CHN2: variants seen among roughly 807,000 people sequenced by gnomAD.
CHN2 encodes chimerin 2, also known as beta-chimaerin.
Under a neutral mutation model 56.3 loss-of-function variants are expected in CHN2, and 35 were observed. That is an observed-to-expected ratio of 0.62 (90% CI 0.47 to 0.82). The LOEUF is 0.82. CHN2 is among the 40% of genes least tolerant of loss of function. The probability of loss-of-function intolerance (pLI) is 0.00; values close to 1 mark genes in which losing one functional copy is unlikely to be tolerated. For synonymous variants in CHN2, 210 were observed against 212.8 expected, an observed-to-expected ratio of 0.99 and a Z score of 0.12; for missense variants, 491 against 580.5, an observed-to-expected ratio of 0.85 and a Z score of 1.58.
intron 1 of CHN2, among the ~76,000 whole-genome samples, chr7:29,222,296 T>G (rs976362492): frequency 6.6e-6 from 1 of 152,152 alleles, no homozygotes; most frequent in East Asian, 1.9e-4. Context: ...CCAAAGTAAT[T>G]TATAGATTCA....
In CHN2 at chr7:29,509,300, G is replaced by T. The variant is rs1562677051; in HGVS notation, c.1130-1G>T. The T allele has an allele frequency of 6.2e-7, 1 of 1,612,436 alleles. No homozygotes were observed. Among genetic ancestry groups the T allele is most frequent in the East Asian group, 2.2e-5 (1 of 44,856 alleles). ...ATACCCATCATGCGTGAACTTCACA[G>T]AAATCTCCAATGCAGATGAGAGGCT... On this transcript the variant is annotated splice_acceptor_variant, in intron 11 of 12. Coordinates refer to ENST00000222792, the MANE Select transcript of CHN2 (RefSeq NM_004067.4). LOFTEE classifies it high-confidence loss of function.
chr7:29,213,673 T>C (rs1213257373), intron 1 of CHN2, among the ~76,000 whole-genome samples: 3 of 152,238 alleles, frequency 2.0e-5, no homozygotes, highest in Non-Finnish European at 4.4e-5. Flanking sequence ...CTTCATTGAT[T>C]TCCTCACCTT....
intron 6 of CHN2, among the ~76,000 whole-genome samples, chr7:29,440,608 C>A: frequency 6.7e-6 from 1 of 149,308 alleles, no homozygotes; most frequent in Admixed American, 6.8e-5. Flanking sequence ...TCTCTTGAAC[C>A]CAGGAGGCAG....
At chr7:29,146,954 A>G (rs1460629880) in exon 2 of CHN2, 3 of 1,551,080 alleles carry the variant, frequency 1.9e-6, no homozygotes, top group Non-Finnish European at 1.7e-6. Context: ...TTCCAGCTGC[A>G]CTAGCAGTAA....
chr7:29,508,205 C>T (rs565734288), intron 11 of CHN2, among the ~76,000 whole-genome samples: 3 of 151,632 alleles, frequency 2.0e-5, no homozygotes, highest in Non-Finnish European at 2.9e-5. Context: ...TCCATCAGCC[C>T]GGGGTTGCTC....
intron 1 of CHN2, among the ~76,000 whole-genome samples, chr7:29,249,997 A>G (rs1416521542): frequency 6.6e-6 from 1 of 152,212 alleles, no homozygotes; most frequent in Middle Eastern, 3.2e-3. Context: ...AGGCTTCTGA[A>G]TATATCTGCA....
chr7:29,279,462 TG>T (rs1367750825), intron 1 of CHN2, among the ~76,000 whole-genome samples: 1 of 152,276 alleles, frequency 6.6e-6, no homozygotes, highest in Admixed American at 6.5e-5. Flanking sequence ...CAAACATTTA[TG>T]GAGACCTGAA....
At chr7:29,419,248 C>T (rs1804083487) in intron 6 of CHN2, among the ~76,000 whole-genome samples, 1 of 152,148 alleles carries the variant, frequency 6.6e-6, no homozygotes, top group African/African-American at 2.4e-5. Flanking sequence ...CAGATTAAAA[C>T]TCAGTCTAGA....
At chr7:29,329,442 G>A (rs1040355818) in intron 1 of CHN2, among the ~76,000 whole-genome samples, 3 of 140,914 alleles carry the variant, frequency 2.1e-5, no homozygotes, top group Non-Finnish European at 4.5e-5. Context: ...AATAGAACAT[G>A]GGCCAACCAG....
intron 6 of CHN2, among the ~76,000 whole-genome samples, chr7:29,469,637 G>A (rs962236579): frequency 1.3e-5 from 2 of 152,138 alleles, no homozygotes; most frequent in South Asian, 2.1e-4. Context: ...CCTCCGGCCC[G>A]TATTTGCCCA....
At chr7:29,474,852 AG>A (rs1786457812) in intron 6 of CHN2, among the ~76,000 whole-genome samples, 2 of 152,222 alleles carry the variant, frequency 1.3e-5, no homozygotes, top group Non-Finnish European at 2.9e-5. Flanking sequence ...GTACTGATAA[AG>A]CACAATGTTG....
At chr7:29,495,069 G>A (rs575971100) in intron 7 of CHN2, among the ~76,000 whole-genome samples, 3 of 150,976 alleles carry the variant, frequency 2.0e-5, no homozygotes, top group East Asian at 1.9e-4. Context: ...GTAAAAATTC[G>A]GGACATTTTT....
chr7:29,441,937 C>T (rs994036322), intron 6 of CHN2, among the ~76,000 whole-genome samples: 3 of 152,028 alleles, frequency 2.0e-5, no homozygotes, highest in African/African-American at 7.3e-5. Flanking sequence ...AGGTGTATAA[C>T]CCACATAATT....
intron 1 of CHN2, chr7:29,197,881 T>C (rs1783866891): frequency 2.2e-6 from 1 of 455,832 alleles, no homozygotes; most frequent in African/African-American, 2.0e-5. Flanking sequence ...GGAAATGTCA[T>C]ATGAGTTGGG....
chr7:29,374,913 T>A (rs1799928260), intron 3 of CHN2, among the ~76,000 whole-genome samples: 1 of 150,186 alleles, frequency 6.7e-6, no homozygotes, highest in Non-Finnish European at 1.5e-5. Context: ...TTTGACGGAG[T>A]TTCGCTCTCG....
At chr7:29,488,763 C>T (rs543022923) in intron 7 of CHN2, among the ~76,000 whole-genome samples, 1 of 151,990 alleles carries the variant, frequency 6.6e-6, no homozygotes, top group Non-Finnish European at 1.5e-5. Flanking sequence ...GGGAGTGCTA[C>T]TGGCATTTAG....
At position 29,167,341 on chromosome 7, in the gene CHN2, A is replaced by G. The variant is rs1796047482; in HGVS notation, c.274+20381A>G. Among the ~76,000 whole-genome samples, 3 of 152,158 alleles carry G rather than the reference A, an allele frequency of 2.0e-5. 1 individual carries two copies. Among genetic ancestry groups the G allele is most frequent in the South Asian group, 4.1e-4 (2 of 4,828 alleles). On this transcript the variant is annotated intron_variant, in intron 2 of 6. Transcript: ENST00000439384. Reference sequence around the variant, plus strand: ...CAGATGAACATGTATCTGTTCATTCATATTCTATCCTAAATGGTATTTCAT... The same window carrying G: ...CAGATGAACATGTATCTGTTCATTCGTATTCTATCCTAAATGGTATTTCAT...
intron 1 of CHN2, among the ~76,000 whole-genome samples, chr7:29,326,619 T>C (rs1422032066): frequency 1.3e-5 from 2 of 152,194 alleles, no homozygotes; most frequent in African/African-American, 4.8e-5. Flanking sequence ...AAGGTTTTTG[T>C]TGTTGCTTTG....
chr7:29,258,183 A>G (rs1443059382), intron 1 of CHN2, among the ~76,000 whole-genome samples: 1 of 152,184 alleles, frequency 6.6e-6, no homozygotes, highest in South Asian at 2.1e-4. Flanking sequence ...TGTAATTGTC[A>G]TCCAAACTGG....
Sources: allele counts gnomAD v4.1 joint callset (sites outside exome capture counted in the v4.1 genomes callset), GRCh38; gene constraint gnomAD v4.1.1; transcripts MANE v1.5; gene names NCBI Gene and HGNC (gene_info 2026-07-23, HGNC 2026-07-21).